Variants in CNOT1 observed in about 807,000 individuals in gnomAD.
CNOT1 encodes CCR4-NOT transcription complex subunit 1.
Under a neutral mutation model 273.8 loss-of-function variants are expected in CNOT1, and 15 were observed. The ratio of observed to expected loss-of-function variants is 0.05; its 90% confidence interval spans 0.04 to 0.08. The LOEUF (loss-of-function observed/expected upper bound fraction) is 0.08, where lower values mean the gene tolerates loss of function less well. CNOT1 is among the 10% of genes least tolerant of loss of function. The pLI is 1.00. For missense variants in CNOT1, 1,644 were observed against 2,912.2 expected (o/e 0.56, Z 10.02); for synonymous variants, 1,022 against 1,005.5 (o/e 1.02, Z -0.31).
chr16:58,625,024 G>A (rs1362490135), intron 1 of CNOT1, among the ~76,000 whole-genome samples: 2 of 152,014 alleles, frequency 1.3e-5, no homozygotes, highest in Non-Finnish European at 2.9e-5. Flanking sequence ...TTGGTGGACA[G>A]ATCGCTTGAG....
At chr16:58,552,948 C>T (rs78393579) in intron 22 of CNOT1, among the ~76,000 whole-genome samples, 76 of 152,248 alleles carry the variant, frequency 5.0e-4, no homozygotes, top group African/African-American at 1.7e-3. Flanking sequence ...ATATTCCTTA[C>T]GTCTATTTTC....
intron 12 of CNOT1, among the ~76,000 whole-genome samples, chr16:58,579,465 T>C (rs890505973): frequency 9.9e-5 from 15 of 152,084 alleles, no homozygotes; most frequent in Admixed American, 9.8e-4. Flanking sequence ...TTAAGCTTTA[T>C]AAAAATGGAA....
intron 12 of CNOT1, among the ~76,000 whole-genome samples, chr16:58,579,519 T>C (rs897531877): frequency 1.3e-5 from 2 of 152,112 alleles, no homozygotes; most frequent in African/African-American, 4.8e-5. Context: ...GAAACACTAC[T>C]ATATACACTA....
At chr16:58,552,506 C>T (rs561007474) in intron 22 of CNOT1, among the ~76,000 whole-genome samples, 1 of 152,224 alleles carries the variant, frequency 6.6e-6, no homozygotes, top group South Asian at 2.1e-4. Flanking sequence ...TGAGTGATCA[C>T]TCCCCTGCCA....
At chr16:58,596,305 T>C (rs2042246798) in intron 2 of CNOT1, among the ~76,000 whole-genome samples, 1 of 152,170 alleles carries the variant, frequency 6.6e-6, no homozygotes, top group African/African-American at 2.4e-5. Flanking sequence ...TCCTTCCTTC[T>C]AGGTTCTCGG....
chr16:58,536,843 TTAACCA>T, intron 39 of CNOT1, 140 bp downstream of exon 39: 1 of 1,305,720 alleles, frequency 7.7e-7, no homozygotes, highest in South Asian at 1.6e-5. Context: ...AGGCTGTAAT[TTAACCA>T]TATAATGATG....
intron 25 of CNOT1, 70 bp downstream of exon 25, chr16:58,549,649 C>A: frequency 6.6e-7 from 1 of 1,511,566 alleles, no homozygotes; most frequent in Admixed American, 2.4e-5. Context: ...TAGCAAAAAT[C>A]CTACCTATAT....
chr16:58,586,860 A>G lies in CNOT1; in HGVS notation c.434-112T>C, dbSNP rs906798661. On this transcript the variant is annotated intron_variant, in intron 6 of 48. Coordinates refer to ENST00000317147, the MANE Select transcript of CNOT1 (RefSeq NM_016284.5). ...ACCCTTCTCATTCACCAGTTCACCCATCTCTCTAATGCTTTCTCTAGCTGA... is the reference window on the plus strand; with the variant it reads ...ACCCTTCTCATTCACCAGTTCACCCGTCTCTCTAATGCTTTCTCTAGCTGA... The G allele has an allele frequency of 6.6e-6, 8 of 1,212,314 alleles. No homozygotes were observed. In the African/African-American group the frequency reaches 1.1e-4, roughly 16 times the overall value. The allele number at this position is 1,212,314 out of a possible 1,614,324, so 75.1% of individuals were successfully genotyped here.
intron 16 of CNOT1, among the ~76,000 whole-genome samples, chr16:58,563,850 TTA>T (rs1597466627): frequency 6.6e-6 from 1 of 152,240 alleles, no homozygotes; most frequent in African/African-American, 2.4e-5. Context: ...AATTTACCTA[TTA>T]TTCTGACACA....
chr16:58,608,537 T>C (rs2042769028), intron 1 of CNOT1, among the ~76,000 whole-genome samples: 1 of 131,988 alleles, frequency 7.6e-6, no homozygotes, highest in Non-Finnish European at 1.6e-5. Flanking sequence ...CTGGGTGACG[T>C]AGTGAGACTC....
At chr16:58,595,428 A>G (rs2042220375) in intron 2 of CNOT1, among the ~76,000 whole-genome samples, 1 of 151,216 alleles carries the variant, frequency 6.6e-6, no homozygotes, top group Admixed American at 6.6e-5. Flanking sequence ...CTCAAAAAAA[A>G]AAAAAAAAAA....
At chr16:58,559,737 T>G in intron 17 of CNOT1, 1 of 470,300 alleles carries the variant, frequency 2.1e-6, no homozygotes, top group Non-Finnish European at 4.4e-6. Flanking sequence ...CATCTGAAAA[T>G]AGAAGCGCAA....
At chr16:58,619,521 A>G (rs2043227305) in intron 1 of CNOT1, among the ~76,000 whole-genome samples, 1 of 151,376 alleles carries the variant, frequency 6.6e-6, no homozygotes, top group Non-Finnish European at 1.5e-5. Context: ...TCCGCCTCCC[A>G]GGTTCAAGCA....
chr16:58,626,533 G>A (rs559416851), intron 1 of CNOT1, among the ~76,000 whole-genome samples: 9 of 151,938 alleles, frequency 5.9e-5, no homozygotes, highest in African/African-American at 9.7e-5. Context: ...AGGCCGACGC[G>A]GGTGGATCAC....
At chr16:58,604,520 G>A (rs1013951531) in intron 1 of CNOT1, among the ~76,000 whole-genome samples, 10 of 151,580 alleles carry the variant, frequency 6.6e-5, no homozygotes, top group Non-Finnish European at 1.5e-4. Context: ...GGTGGCTCAT[G>A]CCTGTAATCC....
chr16:58,603,420 TGTG>T (rs2042548062), intron 1 of CNOT1, among the ~76,000 whole-genome samples: 3 of 78,492 alleles, frequency 3.8e-5, no homozygotes, highest in Admixed American at 1.2e-4. Context: ...TGTGTGTGTG[TGTG>T]TGTGTGTGTG....
chr16:58,537,154 G>A lies in CNOT1; in HGVS notation c.5481C>T (p.Gly1827=), dbSNP rs755750601. Residue 1827 remains glycine (G), a synonymous_variant, in exon 39 of 49, where the codon GGC becomes GGT. Transcript: ENST00000317147. Reference sequence around the variant, plus strand: ...TCCCAGAATGCATCATAAAGTTTGGGCCTCCATGAGCACGATCAATCATTG... The same window carrying A: ...TCCCAGAATGCATCATAAAGTTTGGACCTCCATGAGCACGATCAATCATTG... The part of the protein sequence containing the change: ...YEAMIDRAHG[G]PNFMMHSGIS... 1.1e-5 allele frequency: 18 copies of A among 1,613,936 alleles called. No homozygotes were observed.
intron 2 of CNOT1, among the ~76,000 whole-genome samples, chr16:58,590,542 CAG>C (rs1397476548): frequency 6.6e-6 from 1 of 151,780 alleles, no homozygotes; most frequent in Admixed American, 6.6e-5. Flanking sequence ...TTGCAGTGAG[CAG>C]AGATTGCACC....
At chr16:58,616,289 G>A (rs373419346) in intron 1 of CNOT1, among the ~76,000 whole-genome samples, 1 of 115,266 alleles carries the variant, frequency 8.7e-6, no homozygotes, top group South Asian at 2.5e-4. Flanking sequence ...CATTTTTAGT[G>A]GAAACAGGGT....
Sources: allele counts gnomAD v4.1 joint callset (sites outside exome capture counted in the v4.1 genomes callset), GRCh38; gene constraint gnomAD v4.1.1; transcripts MANE v1.5; gene names NCBI Gene and HGNC (gene_info 2026-07-23, HGNC 2026-07-21).